The following PLCXD2 variants were observed in gnomAD, a reference collection of about 807,000 sequenced individuals.
PLCXD2 encodes the protein phosphatidylinositol specific phospholipase C X domain containing 2.
A neutral mutation model predicts 28.6 loss-of-function variants in PLCXD2; 21 were observed. That is an observed-to-expected ratio of 0.73 (90% CI 0.52 to 1.06). PLCXD2 has a LOEUF of 1.06. PLCXD2 is among the 50% of genes least tolerant of loss of function. The probability of loss-of-function intolerance (pLI) is 0.00; values close to 1 mark genes in which losing one functional copy is unlikely to be tolerated. For missense variants in PLCXD2, 369 were observed against 376.7 expected, an observed-to-expected ratio of 0.98 and a Z score of 0.17; for synonymous variants, 140 against 150.1, an observed-to-expected ratio of 0.93 and a Z score of 0.49.
chr3:111,684,267 T>C (rs1940760067), intron 1 of PLCXD2, among the ~76,000 whole-genome samples: 2 of 150,050 alleles, frequency 1.3e-5, no homozygotes, highest in Middle Eastern at 6.9e-3. Flanking sequence ...GAGGCAGAGG[T>C]TGCGATCAGC....
chr3:111,686,473 A>T (rs1466821267), intron 1 of PLCXD2, among the ~76,000 whole-genome samples: 1 of 152,224 alleles, frequency 6.6e-6, no homozygotes, highest in African/African-American at 2.4e-5. Context: ...GATGGTTATT[A>T]TGAATACTCT....
rs1940596135 is a variant in PLCXD2 at position 111,674,961 on chromosome 3, T to A, written c.-285T>A. 8.0e-6 allele frequency: 3 copies of A among 374,296 alleles called. No individual in the cohort carries two copies. Among genetic ancestry groups the A allele is most frequent in the Non-Finnish European group, 1.4e-5 (3 of 208,208 alleles). The allele number at this position is 374,296 out of a possible 1,614,324, so 23.2% of individuals were successfully genotyped here. A position where few individuals can be genotyped will look rare whatever the true frequency, so the allele number is the denominator to read the frequency against. On this transcript the variant is annotated 5_prime_UTR_variant, in exon 1 of 5. Coordinates refer to ENST00000477665, the MANE Select transcript of PLCXD2 (RefSeq NM_001185106.1). Reference sequence around the variant, plus strand: ...ACTTTCAGTTTATGTAAGATTTATCTCTAGGGGCCTACCTTCCCCCATCTC... The same window carrying A: ...ACTTTCAGTTTATGTAAGATTTATCACTAGGGGCCTACCTTCCCCCATCTC...
chr3:111,699,271 G>A (rs1184455033), intron 1 of PLCXD2, among the ~76,000 whole-genome samples: 5 of 152,142 alleles, frequency 3.3e-5, no homozygotes, highest in African/African-American at 9.7e-5. Flanking sequence ...AATCTGAAAT[G>A]CCATTGTACT....
intron 2 of PLCXD2, among the ~76,000 whole-genome samples, chr3:111,709,467 T>C (rs79588369): frequency 3.1e-4 from 47 of 150,556 alleles, no homozygotes; most frequent in South Asian, 4.2e-4. Flanking sequence ...TGTGTGTATA[T>C]ACACACACAC....
chr3:111,718,544 TATG>T (rs1941305940), intron 3 of PLCXD2, among the ~76,000 whole-genome samples: 2 of 147,350 alleles, frequency 1.4e-5, no homozygotes, highest in Admixed American at 1.4e-4. Flanking sequence ...TTGATTGATT[TATG>T]ATATGTGTTT....
chr3:111,687,050 A>G (rs1940805003), intron 1 of PLCXD2, among the ~76,000 whole-genome samples: 1 of 152,230 alleles, frequency 6.6e-6, no homozygotes, highest in Non-Finnish European at 1.5e-5. Flanking sequence ...TAGGCCCACC[A>G]GCCTTAGGCA....
In PLCXD2 at chr3:111,675,128, G is replaced by A. The variant is rs1489917053; in HGVS notation, c.-118G>A. 4.0e-6 allele frequency: 5 copies of A among 1,242,910 alleles called. No homozygotes were observed. In the African/African-American group the frequency reaches 6.0e-5, roughly 15 times the overall value. The allele number at this position is 1,242,910 out of a possible 1,614,324, so 77.0% of individuals were successfully genotyped here. ...TTTGCCCCGTCCCCCAGCCAGAAAGGCATTTTGGAAAGACTGGCGTGGCAA... is the reference window on the plus strand; with the variant it reads ...TTTGCCCCGTCCCCCAGCCAGAAAGACATTTTGGAAAGACTGGCGTGGCAA... On this transcript the variant is annotated 5_prime_UTR_variant, in exon 1 of 5. Transcript: ENST00000477665.
chr3:111,675,540 A>G, intron 1 of PLCXD2, 132 bp downstream of exon 1: 5 of 1,021,784 alleles, frequency 4.9e-6, no homozygotes, highest in Middle Eastern at 2.3e-4. Flanking sequence ...CAAACCAAAA[A>G]CTTAACACTG....
chr3:111,675,225 G>C lies in PLCXD2; in HGVS notation c.-21G>C. The C allele has an allele frequency of 6.2e-7, 1 of 1,609,778 alleles. No individual in the cohort carries two copies. ...AGTGAGTGGCACTGGGCTGAGACTGGCCAGTTTGTTAACAACAGGGATGCT... is the reference window on the plus strand; with the variant it reads ...AGTGAGTGGCACTGGGCTGAGACTGCCCAGTTTGTTAACAACAGGGATGCT... On this transcript the variant is annotated 5_prime_UTR_variant, in exon 1 of 5. Coordinates refer to ENST00000477665, the MANE Select transcript of PLCXD2 (RefSeq NM_001185106.1).
chr3:111,724,694 A>G (rs1941392374), intron 3 of PLCXD2: 1 of 152,314 alleles, frequency 6.6e-6, no homozygotes, highest in African/African-American at 2.4e-5. Flanking sequence ...AAACCAGTCC[A>G]TCCTGCAGAT....
intron 1 of PLCXD2, among the ~76,000 whole-genome samples, chr3:111,703,990 G>GT (rs138331876): frequency 7.1e-4 from 107 of 150,926 alleles, no homozygotes; most frequent in East Asian, 3.1e-3. Context: ...TATTTGATGG[G>GT]TTTTTTTTTC....
intron 1 of PLCXD2, among the ~76,000 whole-genome samples, chr3:111,682,227 T>C (rs1388735123): frequency 6.6e-6 from 1 of 152,186 alleles, no homozygotes; most frequent in African/African-American, 2.4e-5. Flanking sequence ...AGGATCAAAG[T>C]ACATGGGAGG....
chr3:111,685,943 C>A (rs1940789060), intron 1 of PLCXD2, among the ~76,000 whole-genome samples: 1 of 152,146 alleles, frequency 6.6e-6, no homozygotes, highest in Non-Finnish European at 1.5e-5. Context: ...ATTGAAAACC[C>A]TTTGGCTCAC....
At chr3:111,707,828 G>T in intron 1 of PLCXD2, 98 bp from the exon 2 acceptor site, 3 of 1,115,872 alleles carry the variant, frequency 2.7e-6, no homozygotes, top group South Asian at 1.7e-5. Flanking sequence ...TATGTTATTT[G>T]GTGCTTAATT....
intron 1 of PLCXD2, among the ~76,000 whole-genome samples, chr3:111,688,513 C>G (rs1940828372): frequency 6.6e-6 from 1 of 152,174 alleles, no homozygotes; most frequent in Non-Finnish European, 1.5e-5. Context: ...CTTTGGTGTC[C>G]AGAATCTTTT....
chr3:111,690,496 T>C (rs1278213756), intron 1 of PLCXD2, among the ~76,000 whole-genome samples: 1 of 152,182 alleles, frequency 6.6e-6, no homozygotes, highest in Non-Finnish European at 1.5e-5. Flanking sequence ...AAAAAATCTA[T>C]CTGGCCTCTA....
chr3:111,680,066 C>A (rs1940689251), intron 1 of PLCXD2, among the ~76,000 whole-genome samples: 1 of 152,202 alleles, frequency 6.6e-6, no homozygotes, highest in Non-Finnish European at 1.5e-5. Flanking sequence ...TGATCATTCC[C>A]TTCTTTTCTT....
At chr3:111,697,416 A>G (rs1940978206) in intron 1 of PLCXD2, among the ~76,000 whole-genome samples, 1 of 152,240 alleles carries the variant, frequency 6.6e-6, no homozygotes, top group Non-Finnish European at 1.5e-5. Flanking sequence ...ATTGAGAGAG[A>G]TGAACTAACA....
chr3:111,675,324 T>C lies in PLCXD2; in HGVS notation c.79T>C (p.Ser27Pro), dbSNP rs1940604111. Residue 27 changes from serine (S) to proline (P), a missense_variant, in exon 1 of 5, where the codon TCA becomes CCA. Physicochemically the swap from Ser to Pro is moderately conservative, Grantham distance 74. Transcript: ENST00000477665. ...CCCCAACCCCAGCGGGACAAAGACATCATCGGAGGTCTGCAATGCCGACTG... is the reference window on the plus strand; with the variant it reads ...CCCCAACCCCAGCGGGACAAAGACACCATCGGAGGTCTGCAATGCCGACTG... 3.7e-6 allele frequency: 6 copies of C among 1,614,092 alleles called. No homozygotes were observed. In the African/African-American group the frequency reaches 5.3e-5, roughly 14 times the overall value.
Sources: gnomAD v4.1 joint callset for allele counts (sites outside exome capture counted in the v4.1 genomes callset) on GRCh38, gnomAD v4.1.1 for gene constraint, MANE v1.5 for transcripts, NCBI Gene and HGNC (gene_info 2026-07-23, HGNC 2026-07-21) for gene names.